Variants in TENM3 observed in about 807,000 individuals in gnomAD.
TENM3 encodes the protein teneurin-3.
Under a neutral mutation model 255.1 loss-of-function variants are expected in TENM3, and 63 were observed. That is an observed-to-expected ratio of 0.25 (90% CI 0.20 to 0.30). The LOEUF (loss-of-function observed/expected upper bound fraction) is 0.30. Among genes scored for constraint, TENM3 ranks in the 10% least tolerant of loss-of-function variants. The probability of loss-of-function intolerance (pLI) is 1.00; values close to 1 mark genes in which losing one functional copy is unlikely to be tolerated. For synonymous variants in TENM3, 1,306 were observed against 1,322.3 expected, an observed-to-expected ratio of 0.99 and a Z score of 0.27; for missense variants, 2,929 against 3,461.1, an observed-to-expected ratio of 0.85 and a Z score of 3.86.
rs188147670 is a variant in TENM3 at position 182,540,357 on chromosome 4, A to T, written c.512-60567A>T. ...GTAATCCCAACACTTTGGGAGGCCG[A>T]GGCGGGCGGATCACCTGAGGTCAGG... On this transcript the variant is annotated intron_variant, in intron 3 of 27. Coordinates refer to ENST00000511685, the MANE Select transcript of TENM3 (RefSeq NM_001080477.4). Among the ~76,000 whole-genome samples, 71 of 152,342 alleles carry T rather than the reference A, an allele frequency of 4.7e-4. 1 individual carries two copies. In the East Asian group the frequency reaches 0.011, roughly 23 times the overall value.
intron 3 of TENM3, among the ~76,000 whole-genome samples, chr4:182,526,542 A>T (rs2151815730): frequency 6.6e-6 from 1 of 152,300 alleles, no homozygotes. Flanking sequence ...GGAAATTAAA[A>T]TGGGAAAAGA....
At chr4:181,784,539 A>G in the TENM3 span, among the ~76,000 whole-genome samples, 4 of 151,910 alleles carry the variant, frequency 2.6e-5, no homozygotes, top group Admixed American at 6.6e-5. Context: ...TTGTGTTTTT[A>G]TTTATAGTTA....
chr4:181,534,937 G>T, the TENM3 span, among the ~76,000 whole-genome samples: 1 of 152,124 alleles, frequency 6.6e-6, no homozygotes, highest in African/African-American at 2.4e-5. Flanking sequence ...GGAGGCTGTG[G>T]CCAGAAAGGA....
At chr4:181,913,161 G>A in the TENM3 span, among the ~76,000 whole-genome samples, 1 of 152,170 alleles carries the variant, frequency 6.6e-6, no homozygotes, top group African/African-American at 2.4e-5. Flanking sequence ...ACCAATGCGG[G>A]AATGAAATAG....
At chr4:182,296,503 G>C (rs927640434) in intron 1 of TENM3, among the ~76,000 whole-genome samples, 8 of 152,162 alleles carry the variant, frequency 5.3e-5, no homozygotes, top group East Asian at 1.9e-4. Flanking sequence ...GGCAAGCCTT[G>C]ATCTACCAAA....
the TENM3 span, among the ~76,000 whole-genome samples, chr4:181,908,489 T>C: frequency 3.3e-5 from 5 of 152,190 alleles, no homozygotes; most frequent in Admixed American, 1.3e-4. Context: ...CATTCCATAT[T>C]GGGTGATACA....
upstream of TENM3, among the ~76,000 whole-genome samples, chr4:182,239,033 ATGTGTGTGTGTGTG>A (rs10533748): frequency 8.8e-4 from 124 of 140,134 alleles, no homozygotes; most frequent in Middle Eastern, 0.011. Context: ...AAAAATCTTT[ATGTGTGTGTGTGTG>A]TGTGTGTGTG....
chr4:182,498,514 CT>C (rs1324323318), intron 3 of TENM3, among the ~76,000 whole-genome samples: 1 of 151,904 alleles, frequency 6.6e-6, no homozygotes, highest in Admixed American at 6.6e-5. Context: ...CTTCCATTAG[CT>C]TTTTCAGTGG....
intron 1 of TENM3, among the ~76,000 whole-genome samples, chr4:182,280,998 A>C (rs960956631): frequency 3.9e-5 from 6 of 152,208 alleles, no homozygotes; most frequent in African/African-American, 1.4e-4. Flanking sequence ...AGTAGTAGGC[A>C]GCACTACTGA....
chr4:182,556,633 T>C (rs1742613671), intron 3 of TENM3, among the ~76,000 whole-genome samples: 1 of 152,206 alleles, frequency 6.6e-6, no homozygotes, highest in South Asian at 2.1e-4. Context: ...GTGACCAATT[T>C]ACAAGTGTCT....
At chr4:182,154,018 T>C (rs1236415270) in intron 1 of TENM3, among the ~76,000 whole-genome samples, 1 of 152,096 alleles carries the variant, frequency 6.6e-6, no homozygotes, top group East Asian at 1.9e-4. Flanking sequence ...TTTATTATTT[T>C]TATCTTTTGA....
At chr4:181,634,270 A>G in the TENM3 span, among the ~76,000 whole-genome samples, 1 of 152,218 alleles carries the variant, frequency 6.6e-6, no homozygotes, top group Non-Finnish European at 1.5e-5. Context: ...CCTGTGTAAG[A>G]AATATTGAAG....
chr4:182,471,477 C>T (rs1228990202), intron 3 of TENM3, among the ~76,000 whole-genome samples: 1 of 152,158 alleles, frequency 6.6e-6, no homozygotes, highest in East Asian at 1.9e-4. Flanking sequence ...GCAGAGTACT[C>T]TACTGAATAC....
chr4:181,532,015 G>C, the TENM3 span, among the ~76,000 whole-genome samples: 7 of 152,186 alleles, frequency 4.6e-5, no homozygotes, highest in Non-Finnish European at 8.8e-5. Context: ...CTGATTAGCA[G>C]AATTAGATGG....
chr4:182,459,147 C>G (rs1362870255), intron 3 of TENM3, among the ~76,000 whole-genome samples: 1 of 152,084 alleles, frequency 6.6e-6, no homozygotes, highest in African/African-American at 2.4e-5. Flanking sequence ...CTTGACTAAC[C>G]AGCATTTCAA....
intron 4 of TENM3, among the ~76,000 whole-genome samples, chr4:182,611,542 C>T (rs187825491): frequency 1.3e-5 from 2 of 152,194 alleles, no homozygotes; most frequent in Admixed American, 1.3e-4. Flanking sequence ...GCAAGCTAAT[C>T]AGTAGCTATT....
At chr4:182,041,482 G>T in the TENM3 span, among the ~76,000 whole-genome samples, 1 of 152,188 alleles carries the variant, frequency 6.6e-6, no homozygotes, top group African/African-American at 2.4e-5. Flanking sequence ...TGCTTGGGTA[G>T]CCTGCAAACA....
chr4:182,070,671 G>A, the TENM3 span, among the ~76,000 whole-genome samples: 6 of 152,086 alleles, frequency 3.9e-5, no homozygotes, highest in East Asian at 1.2e-3. Context: ...GGAGAGTAAA[G>A]CAGTGACAGA....
At chr4:181,931,552 G>T in the TENM3 span, among the ~76,000 whole-genome samples, 854 of 152,252 alleles carry the variant, frequency 5.6e-3, 8 homozygotes, top group African/African-American at 0.019. Context: ...CATGCTCATG[G>T]ATAGGAAGAA....
Sources: gnomAD v4.1 joint callset for allele counts (sites outside exome capture counted in the v4.1 genomes callset) on GRCh38, gnomAD v4.1.1 for gene constraint, MANE v1.5 for transcripts, NCBI Gene and HGNC (gene_info 2026-07-23, HGNC 2026-07-21) for gene names.